Variants in MESP1 observed in about 807,000 individuals in gnomAD.
MESP1 encodes mesoderm posterior protein 1.
MESP1 carries 22 observed loss-of-function variants against 15.2 expected under a neutral mutation model. That is an observed-to-expected ratio of 1.45 (90% CI 1.04 to 2.07). MESP1 has a LOEUF of 2.07. Among genes scored for constraint, MESP1 ranks in the 30% most tolerant of loss-of-function variants. The probability of loss-of-function intolerance (pLI) is 0.00; values close to 1 mark genes in which losing one functional copy is unlikely to be tolerated. For synonymous variants in MESP1, 216 were observed against 192.6 expected (o/e 1.12, Z -1.01); for missense variants, 484 against 411.9 (o/e 1.17, Z -1.51).
chr15:89,747,985 A>G (rs865921798), downstream of MESP1, among the ~76,000 whole-genome samples: 13 of 152,162 alleles, frequency 8.5e-5, no homozygotes, highest in Admixed American at 7.2e-4. Flanking sequence ...GCCTATCTCC[A>G]GTCCTGAGTC....
At chr15:89,741,390 G>A in the MESP1 span, among the ~76,000 whole-genome samples, 1 of 152,066 alleles carries the variant, frequency 6.6e-6, no homozygotes, top group Admixed American at 6.6e-5. Context: ...ACCACACCCA[G>A]CTAATTTTTT....
chr15:89,750,862 C>A lies in MESP1; in HGVS notation c.370G>T (p.Glu124Ter), dbSNP rs528905038. 35 of 1,528,854 alleles carry A rather than the reference C, an allele frequency of 2.3e-5. No homozygotes were observed. Among genetic ancestry groups the A allele is most frequent in the Non-Finnish European group, 2.8e-5 (32 of 1,143,200 alleles). The allele number at this position is 1,528,854 out of a possible 1,614,324, so 94.7% of individuals were successfully genotyped here. The change falls in exon 1 of 2, where the codon GAG (glutamate) becomes TAG (stop). Residue 124 changes from glutamate (E) to a stop codon, truncating the protein, a stop_gained. Coordinates refer to ENST00000300057, the MANE Select transcript of MESP1 (RefSeq NM_018670.4). LOFTEE classifies it high-confidence loss of function. ...APAGQSLTKI[E>*]TLRLAIRYIG... ...TAGCGGATAGCCAGGCGCAGCGTCT[C>A]GATCTTGGTCAGGCTCTGGCCCGCG... is the stretch of plus-strand genomic sequence containing the variant.
the MESP1 span, among the ~76,000 whole-genome samples, chr15:89,737,013 G>A: frequency 1.3e-5 from 2 of 152,146 alleles, no homozygotes; most frequent in South Asian, 2.1e-4. Flanking sequence ...GGATGGTCTC[G>A]ATCTCCTGAC....
downstream of MESP1, chr15:89,748,772 G>A (rs1968023251): frequency 6.6e-6 from 1 of 152,234 alleles, no homozygotes; most frequent in Non-Finnish European, 1.5e-5. Context: ...GAGGAGTGAT[G>A]TTAACAGGTA....
Position 89,751,184 on chromosome 15 carries a change from A to G in MESP1, c.48T>C (p.Ser16=). 1 of 1,270,564 alleles carries G rather than the reference A, an allele frequency of 7.9e-7. No individual in the cohort carries two copies. The allele number at this position is 1,270,564 out of a possible 1,614,324, so 78.7% of individuals were successfully genotyped here. ...GCCGCCGAGTTGGGCCCCAGGCCGC[A>G]GAGAGCATCCAGGACTCGGAGAGCG... ...CPPLSESWML[S]AAWGPTRRPP... is the part of the protein sequence containing the mutation. Residue 16 remains serine, a synonymous_variant, in exon 1 of 2, where the codon TCT becomes TCC. Transcript: ENST00000300057.
At chr15:89,746,835 G>T (rs935076674), downstream of MESP1, among the ~76,000 whole-genome samples, 4 of 51,516 alleles carry the variant, frequency 7.8e-5, no homozygotes, top group Non-Finnish European at 1.5e-4. Context: ...ACACAGCCCC[G>T]CCTCCACACA....
the MESP1 span, chr15:89,737,849 A>C: frequency 7.0e-7 from 1 of 1,432,304 alleles, no homozygotes; most frequent in Non-Finnish European, 9.5e-7. Flanking sequence ...CATAGGCCAA[A>C]GGGTACCGCA....
chr15:89,734,151 G>A, the MESP1 span, among the ~76,000 whole-genome samples: 4 of 152,100 alleles, frequency 2.6e-5, no homozygotes, highest in East Asian at 1.9e-4. Flanking sequence ...TTCTTGCTCC[G>A]CCCCAAACAC....
Position 89,750,217 on chromosome 15 carries a change from C to G in MESP1, c.734G>C (p.Gly245Ala), listed in dbSNP as rs774227840. 4 of 1,613,966 alleles carry G rather than the reference C, an allele frequency of 2.5e-6. No homozygotes were observed. The African/African-American group carries it at 5.3e-5, about 22-fold the overall frequency. ...EPSPPSPLLP[G>A]DVLALLETWM... ...GGTCTCCAACAGAGCCAGCACGTCGCCCGGAAGGAGCTGTAGGGAGAGACG... is the reference window on the plus strand; with the variant it reads ...GGTCTCCAACAGAGCCAGCACGTCGGCCGGAAGGAGCTGTAGGGAGAGACG... The change falls in exon 2 of 2, where the codon GGC becomes GCC. Residue 245 changes from glycine to alanine, a missense_variant. By Grantham distance (60) the Gly-to-Ala change is moderately conservative. Coordinates refer to ENST00000300057, the MANE Select transcript of MESP1 (RefSeq NM_018670.4).
chr15:89,739,999 G>A, the MESP1 span, among the ~76,000 whole-genome samples: 537 of 152,286 alleles, frequency 3.5e-3, 21 homozygotes, highest in Admixed American at 0.032. Context: ...GACCTTGGGC[G>A]AGTTACTCAG....
Position 89,751,065 on chromosome 15 carries a change from G to GCGGGGCTTGGCA in MESP1, c.166_167insTGCCAAGCCCCG (p.Pro55_Ala56insValProSerPro). On this transcript the variant is annotated inframe_insertion, in exon 1 of 2. Transcript: ENST00000300057. ...GGGGTCCCGGAGGGTGCCTGGCCGC[G>GCGGGGCTTGGCA]CGGGGCTCGCCACGGGGCTGTCGGC... is the stretch of plus-strand genomic sequence containing the variant. 1 of 1,239,370 alleles carries GCGGGGCTTGGCA rather than the reference G, an allele frequency of 8.1e-7. No individual in the cohort carries two copies. The allele number at this position is 1,239,370 out of a possible 1,614,324, so 76.8% of individuals were successfully genotyped here.
chr15:89,737,906 T>G, the MESP1 span: 1 of 1,317,538 alleles, frequency 7.6e-7, no homozygotes, highest in African/African-American at 1.5e-5. Flanking sequence ...CAGGGTCTTC[T>G]CTCTGAAGTC....
chr15:89,751,142 C>T lies in MESP1; in HGVS notation c.90G>A (p.Lys30=). 7.9e-7 allele frequency: 1 copy of T among 1,272,404 alleles called. No individual in the cohort carries two copies. Among genetic ancestry groups the T allele is most frequent in the Non-Finnish European group, 9.9e-7 (1 of 1,012,358 alleles). The allele number at this position is 1,272,404 out of a possible 1,614,324, so 78.8% of individuals were successfully genotyped here. Reference sequence around the variant, plus strand: ...ACGAGACGAGGGAGCGGCCGCAGTCCTTGTCGGAGGGCGGCGGCCGCCGAG... The same window carrying T: ...ACGAGACGAGGGAGCGGCCGCAGTCTTTGTCGGAGGGCGGCGGCCGCCGAG... ...GPTRRPPPSD[K]DCGRSLVSSP... is the part of the protein sequence containing the mutation. The change falls in exon 1 of 2, where the codon AAG becomes AAA. Residue 30 remains lysine, a synonymous_variant. Transcript: ENST00000300057.
chr15:89,742,001 T>C, the MESP1 span, among the ~76,000 whole-genome samples: 1 of 152,206 alleles, frequency 6.6e-6, no homozygotes, highest in Non-Finnish European at 1.5e-5. Flanking sequence ...TCCACCCGCC[T>C]TGGCCTCCCA....
chr15:89,736,163 T>C, the MESP1 span, among the ~76,000 whole-genome samples: 1 of 152,202 alleles, frequency 6.6e-6, no homozygotes, highest in Non-Finnish European at 1.5e-5. Flanking sequence ...GATGGAGAGT[T>C]GAGAGATCTC....
At chr15:89,738,642 AAAAG>A in the MESP1 span, among the ~76,000 whole-genome samples, 1 of 151,630 alleles carries the variant, frequency 6.6e-6, no homozygotes, top group East Asian at 1.9e-4. Flanking sequence ...AAAAAAAAAA[AAAAG>A]AAATTTCCCC....
At chr15:89,739,544 G>C in the MESP1 span, among the ~76,000 whole-genome samples, 244 of 152,264 alleles carry the variant, frequency 1.6e-3, 5 homozygotes, top group South Asian at 0.031. Flanking sequence ...GGCCATTCTG[G>C]AGAAATAGGT....
the MESP1 span, chr15:89,737,891 G>A: frequency 1.5e-6 from 2 of 1,304,606 alleles, no homozygotes; most frequent in Non-Finnish European, 2.1e-6. Context: ...TAGATAAAAT[G>A]CCAGCAGGGT....
chr15:89,738,072 C>T, the MESP1 span: 34 of 1,613,144 alleles, frequency 2.1e-5, no homozygotes, highest in African/African-American at 5.3e-5. Flanking sequence ...CGTCCACCGA[C>T]GATGCTGGAA....
Sources: gnomAD v4.1 joint callset for allele counts (sites outside exome capture counted in the v4.1 genomes callset) on GRCh38, gnomAD v4.1.1 for gene constraint, MANE v1.5 for transcripts, NCBI Gene and HGNC (gene_info 2026-07-23, HGNC 2026-07-21) for gene names.